IL4I1: variants seen among roughly 807,000 people sequenced by gnomAD.
IL4I1 encodes the protein L-amino-acid oxidase.
A neutral mutation model predicts 29.7 loss-of-function variants in IL4I1; 24 were observed. That is an observed-to-expected ratio of 0.81 (90% CI 0.59 to 1.14). IL4I1 has a LOEUF of 1.14. Ranked by LOEUF, IL4I1 falls within the 50% of genes most tolerant of loss-of-function variation. IL4I1 has a pLI of 0.00. For synonymous variants in IL4I1, 371 were observed against 352.5 expected (o/e 1.05, Z -0.59); for missense variants, 686 against 785.6 (o/e 0.87, Z 1.52).
chr19:49,924,504 C>T (rs1235091191), intron 2 of IL4I1, among the ~76,000 whole-genome samples: 6 of 152,160 alleles, frequency 3.9e-5, no homozygotes, highest in South Asian at 4.1e-4. Context: ...CTGCAACCAC[C>T]GCCTCACTCC....
chr19:49,909,181 T>A (rs780089730), intron 2 of IL4I1: 5 of 1,613,390 alleles, frequency 3.1e-6, no homozygotes, highest in Non-Finnish European at 4.2e-6. Flanking sequence ...TGGCTGTGGG[T>A]GTGGGAGCAG....
chr19:49,901,333 G>A (rs2075270164), upstream of IL4I1, among the ~76,000 whole-genome samples: 3 of 152,172 alleles, frequency 2.0e-5, no homozygotes, highest in Non-Finnish European at 4.4e-5. Flanking sequence ...GCGGTGAGCC[G>A]AGACCGCGCC....
rs1464991434 is a variant in IL4I1, at chr19:49,890,177, C to T, written c.1197G>A (p.Thr399=). The change falls in exon 8 of 8, where the codon ACG becomes ACA. Residue 399 remains threonine (T), a synonymous_variant. Transcript: ENST00000391826. ...CGAACGCTGCCGCCGCGTCCGACCA[C>T]GTGTACGAGGCCAGCAGCAGCGCGC... The part of the protein sequence containing the change: ...REGALLLASY[T]WSDAAAAFAG... The T allele has an allele frequency of 4.5e-6, 7 of 1,543,072 alleles. No homozygotes were observed. The highest frequency in any genetic ancestry group is 6.1e-6 in the Non-Finnish European group (7 of 1,142,926).
rs551462021 is a variant in IL4I1 at position 49,905,746 on chromosome 19, G to A, written c.-227-1425C>T. Among the ~76,000 whole-genome samples the A allele has an allele frequency of 2.2e-3, 336 of 152,232 alleles. 3 individuals are homozygous for A. The highest frequency in any genetic ancestry group is 7.9e-3 in the African/African-American group (326 of 41,524). Reference sequence around the variant, plus strand: ...CGAGTAGCTGGGATTACAGGCGCCCGCCACTTAACTAGCCACCAGCTCATG... The same window carrying A: ...CGAGTAGCTGGGATTACAGGCGCCCACCACTTAACTAGCCACCAGCTCATG... On this transcript the variant is annotated intron_variant, in intron 2 of 9. Transcript: ENST00000341114.
chr19:49,927,694 C>T (rs2075937300), exon 2 of IL4I1: 1 of 152,224 alleles, frequency 6.6e-6, no homozygotes, highest in East Asian at 1.9e-4. Flanking sequence ...TTGTGTGTAC[C>T]GCTCAGTATC....
chr19:49,892,555 C>T (rs2075153182), intron 5 of IL4I1, among the ~76,000 whole-genome samples: 2 of 152,256 alleles, frequency 1.3e-5, no homozygotes, highest in African/African-American at 2.4e-5. Flanking sequence ...ACCTACACAT[C>T]TGGCACCTAT....
intron 2 of IL4I1, among the ~76,000 whole-genome samples, chr19:49,911,857 A>G (rs940310552): frequency 6.6e-5 from 10 of 152,222 alleles, no homozygotes; most frequent in African/African-American, 2.4e-4. Context: ...GGCCACGGCA[A>G]GTGCCTGAGC....
At chr19:49,896,318 C>T (rs2075210112) in intron 1 of IL4I1, 136 bp from the exon 2 acceptor site, 8 of 1,109,408 alleles carry the variant, frequency 7.2e-6, no homozygotes, top group Non-Finnish European at 1.0e-5. Context: ...GACCTGTGTC[C>T]CCTAACCCCA....
At chr19:49,927,401 C>G (rs1012174436) in intron 2 of IL4I1, among the ~76,000 whole-genome samples, 13 of 152,068 alleles carry the variant, frequency 8.5e-5, no homozygotes, top group African/African-American at 3.1e-4. Context: ...AAAAAAAAAT[C>G]GCAAAAAATT....
chr19:49,893,180 G>A (rs1023299530), intron 5 of IL4I1, among the ~76,000 whole-genome samples: 5 of 152,130 alleles, frequency 3.3e-5, no homozygotes, highest in East Asian at 1.9e-4. Flanking sequence ...TGGAGGCAGC[G>A]GGGAGCCACT....
intron 5 of IL4I1, among the ~76,000 whole-genome samples, chr19:49,891,703 C>G (rs1177235482): frequency 1.3e-5 from 2 of 152,258 alleles, no homozygotes; most frequent in Non-Finnish European, 1.5e-5. Context: ...GCCCATCCCC[C>G]CTCATTCGGC....
chr19:49,909,739 C>A, intron 2 of IL4I1: 1 of 1,614,088 alleles, frequency 6.2e-7, no homozygotes, highest in South Asian at 1.1e-5. Context: ...TGGTTGTTGC[C>A]GTCTTTGCAG....
intron 2 of IL4I1, among the ~76,000 whole-genome samples, chr19:49,906,654 T>C (rs1404174118): frequency 2.0e-5 from 3 of 152,252 alleles, no homozygotes; most frequent in Non-Finnish European, 4.4e-5. Context: ...TCTATTACTC[T>C]GTCTCATCAA....
At chr19:49,899,802 G>A (rs2075255643), upstream of IL4I1, among the ~76,000 whole-genome samples, 1 of 152,084 alleles carries the variant, frequency 6.6e-6, no homozygotes. Flanking sequence ...TGATCTGCCC[G>A]CCTCGGCCTC....
intron 1 of IL4I1, 59 bp from the exon 2 acceptor site, chr19:49,896,241 A>C (rs544607787): frequency 2.7e-6 from 4 of 1,456,400 alleles, no homozygotes; most frequent in Non-Finnish European, 3.6e-6. Flanking sequence ...CTGTAGCCTG[A>C]CTCTGTCTCC....
At chr19:49,908,904 T>G (rs879274198) in intron 2 of IL4I1, 4 of 1,608,152 alleles carry the variant, frequency 2.5e-6, no homozygotes, top group Non-Finnish European at 3.4e-6. Context: ...TTGCTGGGGA[T>G]CCCGGCTGGC....
chr19:49,894,169 G>T, intron 5 of IL4I1, 99 bp downstream of exon 5: 1 of 1,164,846 alleles, frequency 8.6e-7, no homozygotes, highest in Non-Finnish European at 1.2e-6. Flanking sequence ...CCCATGGAGG[G>T]GACTGAAGGG....
At chr19:49,895,238 G>C in intron 3 of IL4I1, 58 bp from the exon 4 acceptor site, 2 of 1,396,226 alleles carry the variant, frequency 1.4e-6, no homozygotes, top group African/African-American at 1.4e-5. Context: ...ACCATCCCCT[G>C]CCCTCTACCA....
rs934496898 is a variant in IL4I1 at position 49,903,220 on chromosome 19, G to A, written c.-105+979C>T. ...TCTTGGTCAGTAAGTGTCACTATCA[G>A]TTCTGTGGATTCAAGGGAACTAGGG... On this transcript the variant is annotated intron_variant, in intron 3 of 9. Transcript: ENST00000341114. 7.9e-5 allele frequency among the ~76,000 whole-genome samples: 12 copies of A among 152,308 alleles called. No homozygotes were observed. The South Asian group carries it at 2.5e-3, about 32-fold the overall frequency.
Sources: gnomAD v4.1 joint callset for allele counts (sites outside exome capture counted in the v4.1 genomes callset) on GRCh38, gnomAD v4.1.1 for gene constraint, MANE v1.5 for transcripts, NCBI Gene and HGNC (gene_info 2026-07-23, HGNC 2026-07-21) for gene names.